Variants in CD2AP observed in about 807,000 individuals in gnomAD.
CD2AP encodes the protein CD2-associated protein.
In CD2AP, 46 loss-of-function variants were observed where a neutral mutation model predicts 85.1. The observed-to-expected ratio is 0.54, with a 90% CI of 0.43 to 0.69. CD2AP has a LOEUF of 0.69. CD2AP is among the 30% of genes least tolerant of loss of function. CD2AP has a pLI of 0.00. For missense variants in CD2AP, 769 were observed against 729.5 expected (o/e 1.05, Z -0.62); for synonymous variants, 255 against 252.9 (o/e 1.01, Z -0.08).
chr6:47,576,963 A>G, intron 7 of CD2AP, 46 bp from the exon 8 acceptor site: 5 of 967,596 alleles, frequency 5.2e-6, no homozygotes, highest in Non-Finnish European at 8.5e-6. Flanking sequence ...TATTTGTTGA[A>G]TGAATCCATT....
intron 11 of CD2AP, among the ~76,000 whole-genome samples, chr6:47,591,491 A>G (rs1038376782): frequency 1.4e-4 from 21 of 152,168 alleles, no homozygotes; most frequent in African/African-American, 5.1e-4. Context: ...TAGACTCACT[A>G]CTTTTTAGGT....
intron 4 of CD2AP, among the ~76,000 whole-genome samples, chr6:47,546,591 G>T (rs1767370773): frequency 6.6e-6 from 1 of 151,692 alleles, no homozygotes; most frequent in South Asian, 2.1e-4. Flanking sequence ...AAATCTAAAA[G>T]TTTAAAAAAC....
At chr6:47,482,603 C>T (rs1765472570) in intron 1 of CD2AP, among the ~76,000 whole-genome samples, 1 of 152,114 alleles carries the variant, frequency 6.6e-6, no homozygotes, top group South Asian at 2.1e-4. Flanking sequence ...TGGTCTCGAT[C>T]TCCTGACCTT....
chr6:47,593,597 C>T (rs1018645812), intron 11 of CD2AP, among the ~76,000 whole-genome samples: 4 of 151,860 alleles, frequency 2.6e-5, no homozygotes, highest in African/African-American at 7.3e-5. Context: ...AAAACCACAG[C>T]GAGCACCACT....
intron 2 of CD2AP, among the ~76,000 whole-genome samples, chr6:47,504,238 G>T (rs1286002941): frequency 6.6e-6 from 1 of 152,158 alleles, no homozygotes; most frequent in Non-Finnish European, 1.5e-5. Context: ...TTCATTCCCT[G>T]GCCTCATTAG....
chr6:47,501,477 T>TGA (rs1765995173), intron 1 of CD2AP, among the ~76,000 whole-genome samples: 1 of 152,342 alleles, frequency 6.6e-6, no homozygotes, highest in African/African-American at 2.4e-5. Context: ...TCCCTGGGGC[T>TGA]GAGAGAATCT....
intron 2 of CD2AP, among the ~76,000 whole-genome samples, chr6:47,510,514 G>A (rs12196722): frequency 0.34 from 50,945 of 151,996 alleles, 9,374 homozygotes; most frequent in Middle Eastern, 0.53. Context: ...CTGTGTCAAA[G>A]GGACTTAGAA....
chr6:47,532,004 C>T lies in CD2AP; in HGVS notation c.166-1598C>T, dbSNP rs201648954. Among the ~76,000 whole-genome samples the T allele has an allele frequency of 8.2e-4, 125 of 151,590 alleles. 2 individuals carry two copies. The East Asian group carries it at 0.017, about 21-fold the overall frequency. Reference sequence around the variant, plus strand: ...AGGAGAATTGCTTGAACCCAGGAGGCGGAGGTTGCAGTGACCAGAGATCGC... The same window carrying T: ...AGGAGAATTGCTTGAACCCAGGAGGTGGAGGTTGCAGTGACCAGAGATCGC... On this transcript the variant is annotated intron_variant, in intron 2 of 17. Coordinates refer to ENST00000359314, the MANE Select transcript of CD2AP (RefSeq NM_012120.3).
At chr6:47,577,256 C>T (rs988415058) in intron 8 of CD2AP, among the ~76,000 whole-genome samples, 153 bp downstream of exon 8, 5 of 152,124 alleles carry the variant, frequency 3.3e-5, no homozygotes, top group Admixed American at 6.5e-5. Flanking sequence ...AAACTTGGCA[C>T]GTAATAAGTG....
chr6:47,621,063 A>G (rs1362254238), intron 17 of CD2AP, among the ~76,000 whole-genome samples: 1 of 152,184 alleles, frequency 6.6e-6, no homozygotes, highest in Non-Finnish European at 1.5e-5. Flanking sequence ...TGCTCTGGCT[A>G]GGACTTCCAG....
chr6:47,480,882 A>G (rs902284382), intron 1 of CD2AP, among the ~76,000 whole-genome samples: 1 of 152,158 alleles, frequency 6.6e-6, no homozygotes, highest in Non-Finnish European at 1.5e-5. Flanking sequence ...ACTTTTTTCA[A>G]TGTTGGATGT....
chr6:47,573,102 T>TG lies in CD2AP; in HGVS notation c.542-962_542-961insG, dbSNP rs572492424. On this transcript the variant is annotated intron_variant, in intron 5 of 17. Coordinates refer to ENST00000359314, the MANE Select transcript of CD2AP (RefSeq NM_012120.3). ...TTATCCAGAAAAAAGTACATAAAAA[T>TG]AACCACACAGTTTTCCGTAGGGTTG... Among the ~76,000 whole-genome samples, 75 of 152,280 alleles carry TG rather than the reference T, an allele frequency of 4.9e-4. 1 individual carries two copies. In the East Asian group the frequency reaches 0.011, roughly 22 times the overall value.
intron 13 of CD2AP, among the ~76,000 whole-genome samples, chr6:47,601,613 C>G (rs1000601375): frequency 6.6e-6 from 1 of 151,938 alleles, no homozygotes; most frequent in African/African-American, 2.4e-5. Context: ...TTCAGAGATT[C>G]CTGCTACCTT....
intron 2 of CD2AP, among the ~76,000 whole-genome samples, chr6:47,521,410 G>A (rs1381135697): frequency 1.3e-5 from 2 of 152,048 alleles, no homozygotes; most frequent in Non-Finnish European, 2.9e-5. Context: ...AAATTAGCTG[G>A]GCGTGGTGGC....
At chr6:47,561,619 C>T (rs947052808) in intron 5 of CD2AP, among the ~76,000 whole-genome samples, 3 of 151,966 alleles carry the variant, frequency 2.0e-5, no homozygotes, top group African/African-American at 7.3e-5. Context: ...ATACCTCTAC[C>T]CATATGTCTT....
chr6:47,479,584 A>G (rs879294636), intron 1 of CD2AP, among the ~76,000 whole-genome samples: 3 of 152,228 alleles, frequency 2.0e-5, no homozygotes, highest in Non-Finnish European at 4.4e-5. Flanking sequence ...TGATTAGTTG[A>G]GCTTGCAGGG....
At position 47,526,557 on chromosome 6, in the gene CD2AP, A is replaced by G. The variant is rs183054781; in HGVS notation, c.166-7045A>G. Among the ~76,000 whole-genome samples, 222 of 152,274 alleles carry G rather than the reference A, an allele frequency of 1.5e-3. 1 individual carries two copies. Among genetic ancestry groups the G allele is most frequent in the Non-Finnish European group, 2.5e-3 (167 of 68,006 alleles). On this transcript the variant is annotated intron_variant, in intron 2 of 17. Transcript: ENST00000359314. ...TAGATATGATTATGTCCCAGAGAAA[A>G]TTGAAGGTTCCTAAAATGGTTCTAG...
chr6:47,555,297 A>G (rs1295939741), intron 5 of CD2AP, among the ~76,000 whole-genome samples: 1 of 152,172 alleles, frequency 6.6e-6, no homozygotes, highest in East Asian at 1.9e-4. Flanking sequence ...ATTTTACCCC[A>G]AAGCTAGATT....
chr6:47,497,208 G>T (rs574521436), intron 1 of CD2AP, among the ~76,000 whole-genome samples: 1 of 149,468 alleles, frequency 6.7e-6, no homozygotes, highest in African/African-American at 2.5e-5. Context: ...TCCCCTTTTT[G>T]CTTTCCCCTT....
Sources: gnomAD v4.1 joint callset for allele counts (sites outside exome capture counted in the v4.1 genomes callset) on GRCh38, gnomAD v4.1.1 for gene constraint, MANE v1.5 for transcripts, NCBI Gene and HGNC (gene_info 2026-07-23, HGNC 2026-07-21) for gene names.